The following CREB5 variants were observed in gnomAD, a reference collection of about 807,000 sequenced individuals.
The protein encoded by CREB5 is cAMP responsive element binding protein 5.
Under a neutral mutation model 57.1 loss-of-function variants are expected in CREB5, and 19 were observed. The ratio of observed to expected loss-of-function variants is 0.33; its 90% confidence interval spans 0.23 to 0.49. The LOEUF is 0.49. CREB5 is among the 20% of genes least tolerant of loss of function. The pLI, the probability that CREB5 is intolerant of heterozygous loss-of-function variation, is 0.99. For missense variants in CREB5, 579 were observed against 671.6 expected (o/e 0.86, Z 1.52); for synonymous variants, 238 against 238.3 (o/e 1.00, Z 0.01).
chr7:28,361,912 C>A (rs1249648343), intron 1 of CREB5, among the ~76,000 whole-genome samples: 1 of 152,150 alleles, frequency 6.6e-6, no homozygotes, highest in Admixed American at 6.5e-5. Context: ...ACTAGCACTG[C>A]AGGAATATTA....
At chr7:28,507,528 G>A (rs200546617) in intron 3 of CREB5, 88 bp from the exon 4 acceptor site, 2 of 1,459,906 alleles carry the variant, frequency 1.4e-6, no homozygotes, top group Non-Finnish European at 9.2e-7. Context: ...ATTAAGGCAA[G>A]GGGAGGGGAT....
At chr7:28,603,994 G>A (rs936741102) in intron 5 of CREB5, among the ~76,000 whole-genome samples, 1 of 152,128 alleles carries the variant, frequency 6.6e-6, no homozygotes, top group Non-Finnish European at 1.5e-5. Context: ...GATGGGGTGC[G>A]TAAAAGGACA....
At chr7:28,632,081 C>T (rs1387441497) in intron 5 of CREB5, among the ~76,000 whole-genome samples, 1 of 152,300 alleles carries the variant, frequency 6.6e-6, no homozygotes, top group East Asian at 1.9e-4. Context: ...CTGGCCACTT[C>T]CAAAGCACAG....
chr7:28,519,755 G>A (rs1026632942), intron 4 of CREB5, among the ~76,000 whole-genome samples: 8 of 152,154 alleles, frequency 5.3e-5, no homozygotes, highest in East Asian at 3.9e-4. Context: ...GGTGTATTTC[G>A]CAGGAAAAAC....
intron 1 of CREB5, among the ~76,000 whole-genome samples, chr7:28,394,879 T>C: frequency 2.6e-5 from 4 of 152,360 alleles, no homozygotes; most frequent in Admixed American, 2.6e-4. Context: ...AAAATAATTA[T>C]CTTATTTTCC....
chr7:28,484,371 A>T (rs1175956148), intron 1 of CREB5, among the ~76,000 whole-genome samples: 1 of 152,218 alleles, frequency 6.6e-6, no homozygotes, highest in Non-Finnish European at 1.5e-5. Context: ...ACTCGTTGAT[A>T]AAAGTAATAA....
At chr7:28,380,040 C>G (rs533184865) in intron 1 of CREB5, among the ~76,000 whole-genome samples, 2 of 152,136 alleles carry the variant, frequency 1.3e-5, no homozygotes, top group Admixed American at 1.3e-4. Flanking sequence ...GTGTGCGCCA[C>G]CATGCCTGGC....
intron 5 of CREB5, among the ~76,000 whole-genome samples, chr7:28,607,616 C>A (rs1797189367): frequency 6.6e-6 from 1 of 152,070 alleles, no homozygotes; most frequent in Admixed American, 6.6e-5. Flanking sequence ...GGTTCCAGCA[C>A]CAAACTCTGG....
At chr7:28,404,113 C>T (rs928234512) in intron 1 of CREB5, among the ~76,000 whole-genome samples, 4 of 152,170 alleles carry the variant, frequency 2.6e-5, no homozygotes, top group Non-Finnish European at 5.9e-5. Context: ...CTTTATTTCA[C>T]TTCTTGATGT....
chr7:28,394,870 A>G (rs957446751), intron 1 of CREB5, among the ~76,000 whole-genome samples: 7 of 152,202 alleles, frequency 4.6e-5, no homozygotes, highest in Admixed American at 2.0e-4. Context: ...AGAAAGAATA[A>G]AATAATTATC....
At position 28,763,326 on chromosome 7, in the gene CREB5, C is replaced by G. The variant is rs1387922710; in HGVS notation, c.702+38994C>G. Among the ~76,000 whole-genome samples, 3 of 152,166 alleles carry G rather than the reference C, an allele frequency of 2.0e-5. No homozygotes were observed. In the East Asian group the frequency reaches 5.8e-4, roughly 29 times the overall value. On this transcript the variant is annotated intron_variant, in intron 7 of 10. Coordinates refer to ENST00000357727, the MANE Select transcript of CREB5 (RefSeq NM_182898.4). ...CACAAGTGCCTGTTTCTTTTTAGGA[C>G]TGCCATACCTTCTATTTCAAAGAGA...
intron 7 of CREB5, among the ~76,000 whole-genome samples, chr7:28,781,308 G>A (rs1806958197): frequency 6.6e-6 from 1 of 152,150 alleles, no homozygotes; most frequent in Non-Finnish European, 1.5e-5. Flanking sequence ...TGATTTACTT[G>A]GAAATTATAA....
chr7:28,355,750 C>A (rs945750237), intron 1 of CREB5, among the ~76,000 whole-genome samples: 4 of 152,162 alleles, frequency 2.6e-5, no homozygotes, highest in African/African-American at 9.7e-5. Context: ...CGACTACCTG[C>A]CGCATTTTTA....
intron 5 of CREB5, among the ~76,000 whole-genome samples, chr7:28,656,677 G>A (rs1434282853): frequency 2.6e-5 from 4 of 152,186 alleles, no homozygotes; most frequent in Non-Finnish European, 5.9e-5. Context: ...AAGGGGCTGA[G>A]GAGTGTGTGA....
At position 28,821,450 on chromosome 7, in the gene CREB5, C is replaced by G. The variant is rs1445394806; in HGVS notation, c.*2171C>G. ...TGACTTGGATATATGGTTGAAGAAT[C>G]AAAACAAAAGCAAAAAAAAAAAGCA... On this transcript the variant is annotated 3_prime_UTR_variant, in exon 11 of 11. Transcript: ENST00000357727. 3 of 85,088 alleles carry G rather than the reference C, an allele frequency of 3.5e-5. No homozygotes were observed. The highest frequency in any genetic ancestry group is 7.5e-5 in the Non-Finnish European group (3 of 39,816). 5.3% of individuals were successfully genotyped at this position (85,088 alleles called of 1,614,324 possible).
chr7:28,673,849 T>A (rs1179728280), intron 5 of CREB5, among the ~76,000 whole-genome samples: 2 of 151,872 alleles, frequency 1.3e-5, no homozygotes, highest in Non-Finnish European at 2.9e-5. Context: ...AATTTTTGTA[T>A]TTTTTGTAGA....
intron 7 of CREB5, among the ~76,000 whole-genome samples, chr7:28,780,250 A>G (rs1193075294): frequency 6.6e-6 from 1 of 152,192 alleles, no homozygotes; most frequent in Non-Finnish European, 1.5e-5. Context: ...TGCACTAAGG[A>G]GACGAAAGAA....
At chr7:28,432,852 C>T (rs1341277120) in intron 1 of CREB5, among the ~76,000 whole-genome samples, 1 of 152,190 alleles carries the variant, frequency 6.6e-6, no homozygotes, top group Non-Finnish European at 1.5e-5. Flanking sequence ...AAGATGATCA[C>T]ATATGGTGAT....
chr7:28,596,124 G>A (rs1033513702), intron 5 of CREB5, among the ~76,000 whole-genome samples: 4 of 152,148 alleles, frequency 2.6e-5, no homozygotes, highest in African/African-American at 9.7e-5. Flanking sequence ...CCTCAGTGAT[G>A]ATATGGTGCA....
Sources: gnomAD v4.1 joint callset for allele counts (sites outside exome capture counted in the v4.1 genomes callset) on GRCh38, gnomAD v4.1.1 for gene constraint, MANE v1.5 for transcripts, NCBI Gene and HGNC (gene_info 2026-07-23, HGNC 2026-07-21) for gene names.